KIF5B: variants seen among roughly 807,000 people sequenced by gnomAD.
The protein encoded by KIF5B is kinesin family member 5B.
A neutral mutation model predicts 132.8 loss-of-function variants in KIF5B; 49 were observed. The ratio of observed to expected loss-of-function variants is 0.37; its 90% confidence interval spans 0.29 to 0.47. KIF5B has a LOEUF of 0.47. Among genes scored for constraint, KIF5B ranks in the 20% least tolerant of loss-of-function variants. The pLI is 1.00. For missense variants in KIF5B, 780 were observed against 1,144.0 expected (o/e 0.68, Z 4.59); for synonymous variants, 355 against 369.4 (o/e 0.96, Z 0.45).
At chr10:32,044,166 C>G (rs779821262) in intron 2 of KIF5B, among the ~76,000 whole-genome samples, 2 of 152,136 alleles carry the variant, frequency 1.3e-5, no homozygotes, top group Admixed American at 6.5e-5. Context: ...CAAAATGGTA[C>G]AGAGCACTTG....
At position 32,048,688 on chromosome 10, in the gene KIF5B, T is replaced by G. The variant is rs192409312; in HGVS notation, c.127-137A>C. 26 of 577,652 alleles carry G rather than the reference T, an allele frequency of 4.5e-5. No individual in the cohort carries two copies. In the Admixed American group the frequency reaches 8.4e-4, roughly 19 times the overall value. The allele number at this position is 577,652 out of a possible 1,614,324, so 35.8% of individuals were successfully genotyped here. A position where few individuals can be genotyped will look rare whatever the true frequency, so the allele number is the denominator to read the frequency against. On this transcript the variant is annotated intron_variant, in intron 1 of 25. Transcript: ENST00000302418. ...ATGCATAATTTGGTATCATTGAATC[T>G]TTGAAGTAGAAGGGATCACCATGCA... is the stretch of plus-strand genomic sequence containing the variant.
chr10:32,024,875 G>A (rs943853448), intron 15 of KIF5B, among the ~76,000 whole-genome samples: 2 of 151,988 alleles, frequency 1.3e-5, no homozygotes, highest in Admixed American at 6.6e-5. Context: ...TCAGGAGTTC[G>A]AAACCAGCCT....
At chr10:32,017,024 TAA>T in intron 24 of KIF5B, 117 bp downstream of exon 24, 2 of 823,464 alleles carry the variant, frequency 2.4e-6, no homozygotes, top group South Asian at 3.1e-5. Context: ...GCCACTCTGC[TAA>T]GTTAGAAAAT....
chr10:32,036,987 AT>A (rs11330488), intron 8 of KIF5B, among the ~76,000 whole-genome samples: 30,376 of 152,142 alleles, frequency 0.2, 3,276 homozygotes, highest in Non-Finnish European at 0.24. Context: ...TTATAACAAC[AT>A]ATGCTGAACC....
At chr10:32,012,964 C>T (rs907763780) in intron 25 of KIF5B, among the ~76,000 whole-genome samples, 2 of 150,664 alleles carry the variant, frequency 1.3e-5, no homozygotes, top group African/African-American at 4.9e-5. Flanking sequence ...TGCAATGCCA[C>T]GATCTCGGAT....
chr10:32,009,938 TAAAA>T lies in KIF5B; in HGVS notation c.*1595_*1598del, dbSNP rs1300481220. On this transcript the variant is annotated 3_prime_UTR_variant, in exon 26 of 26. Transcript: ENST00000302418. ...TACAACAGCAAAGATTTTTGACTAT[TAAAA>T]AAATAAATAAATAAATTTATATTTT... is the stretch of plus-strand genomic sequence containing the variant. 1.3e-5 allele frequency: 2 copies of T among 152,020 alleles called. No individual in the cohort carries two copies. Among genetic ancestry groups the T allele is most frequent in the East Asian group, 3.9e-4 (2 of 5,194 alleles). 9.4% of individuals were successfully genotyped at this position (152,020 alleles called of 1,614,324 possible). A position where few individuals can be genotyped will look rare whatever the true frequency, so the allele number is the denominator to read the frequency against.
chr10:32,044,446 C>T (rs984116942), intron 2 of KIF5B, among the ~76,000 whole-genome samples: 6 of 152,072 alleles, frequency 3.9e-5, no homozygotes, highest in African/African-American at 7.2e-5. Context: ...CCAAGGTGGG[C>T]GGATCACCTG....
At chr10:32,033,769 A>T in intron 12 of KIF5B, 76 bp downstream of exon 12, 1 of 984,894 alleles carries the variant, frequency 1.0e-6, no homozygotes, top group Non-Finnish European at 1.5e-6. Flanking sequence ...CACTGAAATG[A>T]GAAAAGTTAG....
chr10:32,025,590 G>A (rs1206330447), intron 15 of KIF5B, among the ~76,000 whole-genome samples: 1 of 152,024 alleles, frequency 6.6e-6, no homozygotes, highest in African/African-American at 2.4e-5. Flanking sequence ...TGGCCAGGCT[G>A]GTCTCAAACT....
Position 32,040,280 on chromosome 10 carries a change from A to G in KIF5B, c.288+104T>C, listed in dbSNP as rs1389777168. The G allele has an allele frequency of 6.7e-6, 5 of 750,654 alleles. No individual in the cohort carries two copies. In the African/African-American group the frequency reaches 7.0e-5, roughly 10 times the overall value. The allele number at this position is 750,654 out of a possible 1,614,324, so 46.5% of individuals were successfully genotyped here. Reference sequence around the variant, plus strand: ...TATATTATTTGTATGAGAAAAGGCAATAAAGAGTAAATTAAAATGTTTATG... The same window carrying G: ...TATATTATTTGTATGAGAAAAGGCAGTAAAGAGTAAATTAAAATGTTTATG... On this transcript the variant is annotated intron_variant, in intron 3 of 25. Transcript: ENST00000302418.
rs557345992 is a variant in KIF5B at position 32,051,738 on chromosome 10, T to C, written c.127-3187A>G. Among the ~76,000 whole-genome samples the C allele has an allele frequency of 1.2e-4, 18 of 152,344 alleles. 1 individual carries two copies. In the South Asian group the frequency reaches 3.7e-3, roughly 32 times the overall value. On this transcript the variant is annotated intron_variant, in intron 1 of 25. Transcript: ENST00000302418. ...GTAATACTAAGTAAGGCAAATGTTTTAATTAAAGATCTAGCCATAAATTAC... is the reference window on the plus strand; with the variant it reads ...GTAATACTAAGTAAGGCAAATGTTTCAATTAAAGATCTAGCCATAAATTAC...
intron 11 of KIF5B, 101 bp downstream of exon 11, chr10:32,034,589 C>T: frequency 2.5e-6 from 2 of 804,518 alleles, no homozygotes; most frequent in South Asian, 3.5e-5. Context: ...TATTAAATTT[C>T]TTGATCTAGT....
Position 32,018,168 on chromosome 10 carries a change from AG to A in KIF5B, c.2440-13del, listed in dbSNP as rs780088651. The A allele has an allele frequency of 6.4e-7, 1 of 1,560,144 alleles. No homozygotes were observed. Among genetic ancestry groups the A allele is most frequent in the South Asian group, 1.2e-5 (1 of 84,998 alleles). On this transcript the variant is annotated splice_polypyrimidine_tract_variant and intron_variant, in intron 22 of 25. Coordinates refer to ENST00000302418, the MANE Select transcript of KIF5B (RefSeq NM_004521.3). ...TCAATCTCAGCACTCTGAGAAAAGA[AG>A]GTAAGTATTACAAAAAAATTAAAAA...
chr10:32,019,776 C>A, intron 20 of KIF5B, 82 bp downstream of exon 20: 1 of 868,852 alleles, frequency 1.2e-6, no homozygotes. Flanking sequence ...AATATGTATC[C>A]ACTGGCTATA....
chr10:32,015,376 A>T, intron 25 of KIF5B, 133 bp downstream of exon 25: 1 of 615,194 alleles, frequency 1.6e-6, no homozygotes, highest in Non-Finnish European at 2.7e-6. Flanking sequence ...AAAAAGATCA[A>T]ACTAAATTAC....
chr10:32,021,323 A>C, intron 17 of KIF5B, 36 bp from the exon 18 acceptor site: 8 of 1,479,028 alleles, frequency 5.4e-6, no homozygotes, highest in Non-Finnish European at 7.5e-6. Flanking sequence ...GAGTGAAATA[A>C]GCCTTTAAGG....
chr10:32,030,076 T>TA (rs1841382473), intron 14 of KIF5B, among the ~76,000 whole-genome samples: 2 of 152,232 alleles, frequency 1.3e-5, no homozygotes, highest in South Asian at 4.1e-4. Flanking sequence ...TGCTGATTTC[T>TA]AAACAAGAAG....
At chr10:32,035,788 C>T in intron 9 of KIF5B, 102 bp downstream of exon 9, 1 of 1,316,824 alleles carries the variant, frequency 7.6e-7, no homozygotes. Context: ...CTCAATCTCT[C>T]TTTCTCTCTC....
chr10:32,047,786 G>C lies in KIF5B; in HGVS notation c.214+678C>G, dbSNP rs147834393. Among the ~76,000 whole-genome samples, 370 of 152,246 alleles carry C rather than the reference G, an allele frequency of 2.4e-3. 10 individuals carry two copies. Among genetic ancestry groups the C allele is most frequent in the Admixed American group, 0.023 (346 of 15,290 alleles). On this transcript the variant is annotated intron_variant, in intron 2 of 25. Coordinates refer to ENST00000302418, the MANE Select transcript of KIF5B (RefSeq NM_004521.3). ...CAACACAGATTTTGCCTCAATCTAA[G>C]AAGCACTTTGTAACAACTACAGCTG...
Sources: allele counts gnomAD v4.1 joint callset (sites outside exome capture counted in the v4.1 genomes callset), GRCh38; gene constraint gnomAD v4.1.1; transcripts MANE v1.5; gene names NCBI Gene and HGNC (gene_info 2026-07-23, HGNC 2026-07-21).